The following MYO5B variants were observed in gnomAD, a reference collection of about 807,000 sequenced individuals.
The protein encoded by MYO5B is unconventional myosin-Vb.
MYO5B carries 143 observed loss-of-function variants against 229.3 expected under a neutral mutation model. That is an observed-to-expected ratio of 0.62 (90% CI 0.54 to 0.72). MYO5B has a LOEUF of 0.72. Ranked by LOEUF, MYO5B falls within the 30% of genes least tolerant of loss-of-function variation. MYO5B has a pLI of 0.00. For missense variants in MYO5B, 2,321 were observed against 2,331.0 expected (o/e 1.00, Z 0.09); for synonymous variants, 918 against 885.2 (o/e 1.04, Z -0.66).
chr18:50,145,910 T>C (rs2032494713), intron 1 of MYO5B, among the ~76,000 whole-genome samples: 1 of 152,256 alleles, frequency 6.6e-6, no homozygotes, highest in East Asian at 1.9e-4. Context: ...TCTTCACTGG[T>C]GCCTGTGACA....
At chr18:50,025,911 A>G (rs1330006139) in intron 4 of MYO5B, among the ~76,000 whole-genome samples, 2 of 152,266 alleles carry the variant, frequency 1.3e-5, no homozygotes, top group South Asian at 2.1e-4. Flanking sequence ...TCAATAAAGA[A>G]AACTGTGAAC....
rs1181950461 is a variant in MYO5B at position 49,847,189 on chromosome 18, G to A, written c.4416C>T (p.Tyr1472=). The change falls in exon 33 of 40, where the codon TAC becomes TAT. Residue 1472 remains tyrosine (Y), a synonymous_variant. Transcript: ENST00000285039. ...TGAGGAGGGCCTCGTCCTCTTTGTG[G>A]TACTCCAGCATGCCCTGGAAATCCT... ...KEKDFQGMLE[Y]HKEDEALLIR... 3 of 1,614,014 alleles carry A rather than the reference G, an allele frequency of 1.9e-6. No individual in the cohort carries two copies. The highest frequency in any genetic ancestry group is 2.2e-5 in the East Asian group (1 of 44,894).
chr18:50,157,090 GT>G (rs71169484), intron 1 of MYO5B, among the ~76,000 whole-genome samples: 49,343 of 142,414 alleles, frequency 0.35, 8,335 homozygotes, highest in East Asian at 0.42. Context: ...TTTTTGTTTT[GT>G]TTTTTTTTTT....
At chr18:49,984,977 A>G in intron 7 of MYO5B, 152 bp from the exon 8 acceptor site, 2 of 684,920 alleles carry the variant, frequency 2.9e-6, no homozygotes, top group South Asian at 3.1e-5. Context: ...GTCTTTATCC[A>G]CAACGGCAAA....
At chr18:49,908,882 C>T (rs1320199859) in intron 18 of MYO5B, among the ~76,000 whole-genome samples, 1 of 152,196 alleles carries the variant, frequency 6.6e-6, no homozygotes, top group Non-Finnish European at 1.5e-5. Flanking sequence ...ATGATAGGGG[C>T]TATTCCTAAA....
intron 1 of MYO5B, among the ~76,000 whole-genome samples, chr18:50,090,679 C>A (rs958803181): frequency 5.9e-5 from 9 of 152,158 alleles, no homozygotes; most frequent in Non-Finnish European, 1.3e-4. Flanking sequence ...TTTTAAAAAT[C>A]AAAGCAGAAG....
intron 12 of MYO5B, among the ~76,000 whole-genome samples, chr18:49,960,347 C>T (rs1465327254): frequency 2.0e-5 from 3 of 152,300 alleles, no homozygotes; most frequent in East Asian, 3.9e-4. Context: ...AGGCTGCTTC[C>T]ACAGCCCAAC....
chr18:50,029,846 C>G (rs905958659), intron 4 of MYO5B, among the ~76,000 whole-genome samples: 1 of 152,158 alleles, frequency 6.6e-6, no homozygotes, highest in African/African-American at 2.4e-5. Context: ...CTTGCATACT[C>G]CTGCATAGCA....
Position 49,984,030 on chromosome 18 carries a change from C to T in MYO5B, c.946+688G>A, listed in dbSNP as rs1341510847. 2.6e-5 allele frequency among the ~76,000 whole-genome samples: 4 copies of T among 152,216 alleles called. No homozygotes were observed. In the South Asian group the frequency reaches 8.3e-4, roughly 32 times the overall value. ...TGCGCCACTTGGGGTTTCAGGCTGA[C>T]TTCTCGAGCTTTCCTTTTTCTGGAT... On this transcript the variant is annotated intron_variant, in intron 8 of 39. Coordinates refer to ENST00000285039, the MANE Select transcript of MYO5B (RefSeq NM_001080467.3).
intron 12 of MYO5B, among the ~76,000 whole-genome samples, chr18:49,954,907 C>T (rs1387095865): frequency 1.3e-5 from 2 of 152,204 alleles, no homozygotes; most frequent in African/African-American, 4.8e-5. Flanking sequence ...TACCATTGTC[C>T]AGGTTTGGCT....
chr18:50,001,908 C>T (rs1598943972), intron 4 of MYO5B, among the ~76,000 whole-genome samples: 2 of 152,096 alleles, frequency 1.3e-5, no homozygotes, highest in South Asian at 2.1e-4. Flanking sequence ...TGGTGGCACA[C>T]GCCTGTAGTC....
At chr18:50,111,114 A>C (rs1261894512) in intron 1 of MYO5B, among the ~76,000 whole-genome samples, 1 of 152,252 alleles carries the variant, frequency 6.6e-6, no homozygotes, top group East Asian at 1.9e-4. Flanking sequence ...CAAAAAAAGA[A>C]GAAAGGGATA....
At chr18:49,863,409 T>C (rs1031347891) in intron 28 of MYO5B, 82 bp from the exon 29 acceptor site, 4 of 1,208,370 alleles carry the variant, frequency 3.3e-6, no homozygotes, top group African/African-American at 1.5e-5. Flanking sequence ...TATAAAAACA[T>C]GCCTTTGGGA....
intron 22 of MYO5B, among the ~76,000 whole-genome samples, chr18:49,891,723 C>T (rs1023121532): frequency 2.6e-5 from 4 of 152,242 alleles, no homozygotes; most frequent in African/African-American, 9.6e-5. Flanking sequence ...AGGCTCAACA[C>T]ACTCTGCTAT....
At chr18:49,872,723 G>A (rs1214976526) in intron 26 of MYO5B, among the ~76,000 whole-genome samples, 1 of 152,178 alleles carries the variant, frequency 6.6e-6, no homozygotes, top group Non-Finnish European at 1.5e-5. Flanking sequence ...GCCAGGCAGG[G>A]AACACCACGA....
intron 3 of MYO5B, among the ~76,000 whole-genome samples, chr18:50,038,989 C>G (rs1037600928): frequency 1.3e-5 from 2 of 152,180 alleles, no homozygotes; most frequent in Admixed American, 6.5e-5. Flanking sequence ...CTCCTGAAAT[C>G]TGGAAGAAAA....
chr18:50,120,591 A>G (rs2032042283), intron 1 of MYO5B, among the ~76,000 whole-genome samples: 2 of 152,178 alleles, frequency 1.3e-5, no homozygotes, highest in African/African-American at 4.8e-5. Context: ...AATGCCCTGG[A>G]CAGGAGCCAG....
intron 14 of MYO5B, among the ~76,000 whole-genome samples, chr18:49,946,766 C>A (rs3107098): frequency 1 from 152,330 of 152,330 alleles, 76,165 homozygotes; most frequent in Non-Finnish European, 1. Context: ...CTGCCTTTGG[C>A]AGTGGCAGGA....
Position 49,823,174 on chromosome 18 carries a change from T to A in MYO5B, c.*3297A>T, listed in dbSNP as rs1040601442. On this transcript the variant is annotated 3_prime_UTR_variant, in exon 40 of 40. Transcript: ENST00000285039. ...CTTTTGTATCTAATGACCTTTATAATAAAAAAAACCCTGTCCTGTGTTTCT... is the reference window on the plus strand; with the variant it reads ...CTTTTGTATCTAATGACCTTTATAAAAAAAAAAACCCTGTCCTGTGTTTCT... The A allele has an allele frequency of 1.3e-5, 2 of 151,704 alleles. No individual in the cohort carries two copies. Among genetic ancestry groups the A allele is most frequent in the Non-Finnish European group, 2.9e-5 (2 of 67,904 alleles). 9.4% of individuals were successfully genotyped at this position (151,704 alleles called of 1,614,324 possible).
Sources: gnomAD v4.1 joint callset for allele counts (sites outside exome capture counted in the v4.1 genomes callset) on GRCh38, gnomAD v4.1.1 for gene constraint, MANE v1.5 for transcripts, NCBI Gene and HGNC (gene_info 2026-07-23, HGNC 2026-07-21) for gene names.